Variants in HCN1 observed in about 807,000 individuals in gnomAD.
HCN1 encodes hyperpolarization activated cyclic nucleotide gated potassium channel 1.
In HCN1, 13 loss-of-function variants were observed where a neutral mutation model predicts 78.9. The ratio of observed to expected loss-of-function variants is 0.16; its 90% confidence interval spans 0.11 to 0.26. The LOEUF (loss-of-function observed/expected upper bound fraction) is 0.26, where lower values mean the gene tolerates loss of function less well. Among genes scored for constraint, HCN1 ranks in the 10% least tolerant of loss-of-function variants. The pLI is 1.00. For missense variants in HCN1, 810 were observed against 1,154.3 expected (o/e 0.70, Z 4.32); for synonymous variants, 552 against 455.5 (o/e 1.21, Z -2.70).
intron 2 of HCN1, among the ~76,000 whole-genome samples, chr5:45,580,434 C>A (rs1744040276): frequency 6.6e-6 from 1 of 152,018 alleles, no homozygotes; most frequent in Non-Finnish European, 1.5e-5. Context: ...TCCCCCACTG[C>A]AGATTACAGA....
At chr5:45,304,709 T>A (rs1007951343) in intron 5 of HCN1, among the ~76,000 whole-genome samples, 1 of 152,030 alleles carries the variant, frequency 6.6e-6, no homozygotes, top group Non-Finnish European at 1.5e-5. Context: ...TAAATTCAAC[T>A]GGTGTCTGGG....
At chr5:45,441,493 A>C (rs1740680391) in intron 3 of HCN1, among the ~76,000 whole-genome samples, 1 of 152,190 alleles carries the variant, frequency 6.6e-6, no homozygotes, top group African/African-American at 2.4e-5. Context: ...AAGTGGAGGC[A>C]AATTGATCCT....
chr5:45,493,183 T>G (rs1057136754), intron 2 of HCN1, among the ~76,000 whole-genome samples: 4 of 152,088 alleles, frequency 2.6e-5, no homozygotes, highest in African/African-American at 9.7e-5. Context: ...ATTCTGGATT[T>G]TTAACTATTT....
Position 45,260,561 on chromosome 5 carries a change from T to G in HCN1, c.*1360A>C, listed in dbSNP as rs1204371969. 1 of 152,446 alleles carries G rather than the reference T, an allele frequency of 6.6e-6. No homozygotes were observed. Among genetic ancestry groups the G allele is most frequent in the Non-Finnish European group, 1.5e-5 (1 of 68,032 alleles). 9.4% of individuals were successfully genotyped at this position (152,446 alleles called of 1,614,324 possible). On this transcript the variant is annotated 3_prime_UTR_variant, in exon 8 of 8. Transcript: ENST00000303230. The stretch of plus-strand genomic sequence containing the variant: ...GCCTTAAAGTTTACTAACCATTTAG[T>G]TACAATATACATAGAGCAAAATGTG...
chr5:45,308,544 T>C (rs1337629015), intron 5 of HCN1, among the ~76,000 whole-genome samples: 1 of 152,134 alleles, frequency 6.6e-6, no homozygotes, highest in Non-Finnish European at 1.5e-5. Flanking sequence ...AGTCTGGGGT[T>C]AAGCAGCAGG....
intron 4 of HCN1, among the ~76,000 whole-genome samples, chr5:45,363,026 A>G (rs1395419452): frequency 6.7e-6 from 1 of 149,922 alleles, no homozygotes; most frequent in Non-Finnish European, 1.5e-5. Flanking sequence ...TTTCCTGATT[A>G]CTACCATGAT....
intron 3 of HCN1, among the ~76,000 whole-genome samples, chr5:45,458,547 A>G (rs969123611): frequency 6.6e-6 from 1 of 152,104 alleles, no homozygotes; most frequent in African/African-American, 2.4e-5. Flanking sequence ...TCAAACGTTA[A>G]TTTTAATGGG....
chr5:45,366,026 A>G (rs1579842772), intron 4 of HCN1, among the ~76,000 whole-genome samples: 2 of 151,982 alleles, frequency 1.3e-5, no homozygotes, highest in East Asian at 1.9e-4. Context: ...TAGAGATACT[A>G]TTTCACACCA....
intron 2 of HCN1, among the ~76,000 whole-genome samples, chr5:45,472,898 C>A (rs1438156727): frequency 6.6e-6 from 1 of 151,810 alleles, no homozygotes; most frequent in African/African-American, 2.4e-5. Context: ...TCATTGTGGT[C>A]TGTCCTCATT....
intron 5 of HCN1, among the ~76,000 whole-genome samples, chr5:45,326,075 T>C (rs1746228538): frequency 6.6e-6 from 1 of 151,662 alleles, no homozygotes; most frequent in Admixed American, 6.6e-5. Flanking sequence ...AAGCATTTTC[T>C]AAATTACCAA....
intron 1 of HCN1, among the ~76,000 whole-genome samples, chr5:45,685,014 T>G (rs1323832540): frequency 6.6e-6 from 1 of 152,248 alleles, no homozygotes; most frequent in Non-Finnish European, 1.5e-5. Context: ...TGCAAGGGTA[T>G]AAGTGACAAC....
At chr5:45,465,673 T>G (rs1741255010) in intron 2 of HCN1, among the ~76,000 whole-genome samples, 1 of 152,068 alleles carries the variant, frequency 6.6e-6, no homozygotes, top group African/African-American at 2.4e-5. Context: ...GAGAATCACT[T>G]GAACCTGGGA....
At chr5:45,481,500 A>C (rs1009971218) in intron 2 of HCN1, among the ~76,000 whole-genome samples, 1 of 152,202 alleles carries the variant, frequency 6.6e-6, no homozygotes, top group East Asian at 1.9e-4. Flanking sequence ...CATAGTTTGG[A>C]AAGAAATGAG....
At chr5:45,516,729 AT>A (rs1422768308) in intron 2 of HCN1, among the ~76,000 whole-genome samples, 1 of 151,852 alleles carries the variant, frequency 6.6e-6, no homozygotes, top group Non-Finnish European at 1.5e-5. Flanking sequence ...GTCTCTGAAT[AT>A]TTTTTATTGT....
At chr5:45,688,104 T>C (rs1561245699) in intron 1 of HCN1, among the ~76,000 whole-genome samples, 2 of 152,162 alleles carry the variant, frequency 1.3e-5, no homozygotes, top group Admixed American at 6.5e-5. Flanking sequence ...ATTTTACAAA[T>C]GTTCTTGAGA....
At chr5:45,551,320 A>G (rs953876568) in intron 2 of HCN1, among the ~76,000 whole-genome samples, 3 of 152,024 alleles carry the variant, frequency 2.0e-5, no homozygotes, top group African/African-American at 7.2e-5. Context: ...TGCACATCTA[A>G]TGTCATATCA....
intron 1 of HCN1, among the ~76,000 whole-genome samples, chr5:45,682,891 TG>T (rs1176660730): frequency 6.6e-6 from 1 of 152,144 alleles, no homozygotes; most frequent in African/African-American, 2.4e-5. Flanking sequence ...GAATCATCTT[TG>T]TTCTCATGTC....
At chr5:45,327,675 G>A (rs1230069120) in intron 5 of HCN1, among the ~76,000 whole-genome samples, 1 of 151,608 alleles carries the variant, frequency 6.6e-6, no homozygotes, top group African/African-American at 2.4e-5. Flanking sequence ...TTTAGATAGA[G>A]GGTATTTGAA....
rs184259303 is a variant in HCN1, at chr5:45,676,090, T to C, written c.425+19579A>G. 3.2e-4 allele frequency among the ~76,000 whole-genome samples: 48 copies of C among 151,930 alleles called. 1 individual carries two copies. In the East Asian group the frequency reaches 7.2e-3, roughly 23 times the overall value. ...AAGGATGTGAGTGCATGTATGTGTA[T>C]GTATATTTTTATATGGTTGAACTTC... On this transcript the variant is annotated intron_variant, in intron 1 of 7. Coordinates refer to ENST00000303230, the MANE Select transcript of HCN1 (RefSeq NM_021072.4).
Sources: allele counts gnomAD v4.1 joint callset (sites outside exome capture counted in the v4.1 genomes callset), GRCh38; gene constraint gnomAD v4.1.1; transcripts MANE v1.5; gene names NCBI Gene and HGNC (gene_info 2026-07-23, HGNC 2026-07-21).